Variants in RNF2 observed in about 807,000 individuals in gnomAD.
RNF2 encodes ring finger protein 2, also known as E3 ubiquitin-protein ligase RING2.
In RNF2, 6 loss-of-function variants were observed where a neutral mutation model predicts 37.2. That is an observed-to-expected ratio of 0.16 (90% confidence interval 0.09 to 0.32). RNF2 has a LOEUF of 0.32. Ranked by LOEUF, RNF2 falls within the 10% of genes least tolerant of loss-of-function variation. RNF2 has a pLI of 1.00. For synonymous variants in RNF2, 133 were observed against 132.7 expected (o/e 1.00, Z -0.02); for missense variants, 251 against 404.0 (o/e 0.62, Z 3.25).
chr1:185,054,004 A>C (rs867717369), intron 1 of RNF2, among the ~76,000 whole-genome samples: 23 of 151,826 alleles, frequency 1.5e-4, no homozygotes, highest in African/African-American at 4.6e-4. Flanking sequence ...TTCCCCCCCC[A>C]CCCAGTGTTT....
chr1:185,046,680 T>C (rs760817375), intron 1 of RNF2, among the ~76,000 whole-genome samples: 15 of 152,226 alleles, frequency 9.9e-5, no homozygotes, highest in African/African-American at 3.4e-4. Context: ...GATATACATA[T>C]GCACTCAGTA....
intron 1 of RNF2, among the ~76,000 whole-genome samples, chr1:185,067,288 G>A (rs1356082144): frequency 6.6e-6 from 1 of 152,194 alleles, no homozygotes. Flanking sequence ...GTTTTAGATT[G>A]AACTGCGGAA....
intron 1 of RNF2, chr1:185,046,066 T>A (rs2102144945): frequency 6.6e-6 from 1 of 152,108 alleles, no homozygotes; most frequent in Non-Finnish European, 1.5e-5. Flanking sequence ...GAATGCGAGT[T>A]TTTTCTCTGG....
At chr1:185,089,100 A>T (rs953846359) in intron 2 of RNF2, among the ~76,000 whole-genome samples, 2 of 152,178 alleles carry the variant, frequency 1.3e-5, no homozygotes, top group Non-Finnish European at 2.9e-5. Context: ...GCACCACCTC[A>T]GATCATCAGG....
intron 4 of RNF2, 150 bp downstream of exon 4, chr1:185,093,426 A>G: frequency 1.6e-6 from 1 of 631,838 alleles, no homozygotes; most frequent in South Asian, 2.3e-5. Context: ...GCCTCCAGGC[A>G]TAATAGGGTA....
At position 185,098,250 on chromosome 1, in the gene RNF2, G is replaced by T. The variant is rs761766133; in HGVS notation, c.643G>T (p.Ala215Ser). 26 of 1,614,006 alleles carry T rather than the reference G, an allele frequency of 1.6e-5. No individual in the cohort carries two copies. In the African/African-American group the frequency reaches 2.7e-4, roughly 17 times the overall value. Residue 215 changes from alanine to serine, a missense_variant, in exon 5 of 7, where the codon GCA becomes TCA. Coordinates refer to ENST00000367510, the MANE Select transcript of RNF2 (RefSeq NM_007212.4). ...LELDNNNAAM[A>S]IDPVMDGASE... is the part of the protein sequence containing the mutation. The stretch of plus-strand genomic sequence containing the variant: ...GCTTGATAATAACAATGCAGCAATG[G>T]CAATTGATCCAGTAATGGATGGTGC...
chr1:185,096,493 T>C (rs372017852), intron 4 of RNF2, among the ~76,000 whole-genome samples: 2 of 152,166 alleles, frequency 1.3e-5, no homozygotes, highest in East Asian at 3.9e-4. Flanking sequence ...CATTCTACTT[T>C]GTTTTATGAA....
intron 1 of RNF2, among the ~76,000 whole-genome samples, chr1:185,047,850 A>G (rs1320035609): frequency 6.6e-6 from 1 of 152,240 alleles, no homozygotes; most frequent in Non-Finnish European, 1.5e-5. Context: ...GTTATTGCAC[A>G]CACTGTAGAA....
intron 2 of RNF2, 73 bp from the exon 3 acceptor site, chr1:185,091,503 CAGT>C: frequency 2.1e-6 from 3 of 1,413,018 alleles, no homozygotes; most frequent in Non-Finnish European, 2.9e-6. Context: ...TTACCATTTC[CAGT>C]ACTTTTATAT....
chr1:185,071,533 A>G (rs966127072), intron 1 of RNF2: 2 of 152,412 alleles, frequency 1.3e-5, no homozygotes, highest in African/African-American at 4.8e-5. Flanking sequence ...TCGTGCGTTT[A>G]GAGTCCCGAG....
At chr1:185,094,862 G>C (rs1651867778) in intron 4 of RNF2, among the ~76,000 whole-genome samples, 1 of 152,162 alleles carries the variant, frequency 6.6e-6, no homozygotes. Flanking sequence ...CATAGAAGGA[G>C]ATAATAGTAA....
At chr1:185,054,705 A>T (rs1215440853) in intron 1 of RNF2, among the ~76,000 whole-genome samples, 1 of 151,630 alleles carries the variant, frequency 6.6e-6, no homozygotes, top group Non-Finnish European at 1.5e-5. Flanking sequence ...ATTTTTTATT[A>T]TTTTTTTCAG....
chr1:185,057,820 C>A (rs76775396), intron 1 of RNF2, among the ~76,000 whole-genome samples: 4 of 147,528 alleles, frequency 2.7e-5, no homozygotes, highest in Admixed American at 6.7e-5. Flanking sequence ...AAAAAAAAAA[C>A]AGTAAAACAG....
intron 4 of RNF2, 94 bp downstream of exon 4, chr1:185,093,370 C>G: frequency 9.1e-7 from 1 of 1,098,436 alleles, no homozygotes. Context: ...AATACAGTAA[C>G]AAATAGTAGT....
At chr1:185,080,316 C>T (rs1227187035) in intron 1 of RNF2, among the ~76,000 whole-genome samples, 1 of 152,108 alleles carries the variant, frequency 6.6e-6, no homozygotes, top group Non-Finnish European at 1.5e-5. Flanking sequence ...TTGGCTTGGG[C>T]AAGGGGGAAC....
intron 1 of RNF2, among the ~76,000 whole-genome samples, chr1:185,056,498 A>G (rs1213864575): frequency 6.6e-6 from 1 of 150,628 alleles, no homozygotes; most frequent in African/African-American, 2.4e-5. Context: ...AGGTGGAACT[A>G]TAGGTGTCTA....
intron 1 of RNF2, among the ~76,000 whole-genome samples, chr1:185,052,356 G>T (rs1384305729): frequency 6.6e-6 from 1 of 152,146 alleles, no homozygotes; most frequent in African/African-American, 2.4e-5. Context: ...ACACAATGTG[G>T]TATAAACTTA....
chr1:185,091,617 T>C lies in RNF2; in HGVS notation c.126T>C (p.Pro42=). The part of the protein sequence containing the change: ...ITDGLEIVVS[P]RSLHSELMCP... Reference sequence around the variant, plus strand: ...ATGGCTTAGAAATTGTGGTTTCACCTCGAAGTCTACACAGTGAATTAATGT... The same window carrying C: ...ATGGCTTAGAAATTGTGGTTTCACCCCGAAGTCTACACAGTGAATTAATGT... Residue 42 remains proline (P), a synonymous_variant, in exon 3 of 7, where the codon CCT becomes CCC. Coordinates refer to ENST00000367510, the MANE Select transcript of RNF2 (RefSeq NM_007212.4). 1 of 1,613,810 alleles carries C rather than the reference T, an allele frequency of 6.2e-7. No individual in the cohort carries two copies. The highest frequency in any genetic ancestry group is 1.3e-5 in the African/African-American group (1 of 74,956).
intron 3 of RNF2, among the ~76,000 whole-genome samples, chr1:185,092,859 G>A (rs997186967): frequency 6.6e-6 from 1 of 152,040 alleles, no homozygotes; most frequent in African/African-American, 2.4e-5. Context: ...TCGACGAGTG[G>A]TATAGAGGGT....
Sources: allele counts gnomAD v4.1 joint callset (sites outside exome capture counted in the v4.1 genomes callset), GRCh38; gene constraint gnomAD v4.1.1; transcripts MANE v1.5; gene names NCBI Gene and HGNC (gene_info 2026-07-23, HGNC 2026-07-21).